The following ZNF536 variants were observed in gnomAD, a reference collection of about 807,000 sequenced individuals.
ZNF536 encodes zinc finger protein 536.
Under a neutral mutation model 84.5 loss-of-function variants are expected in ZNF536, and 13 were observed. The ratio of observed to expected loss-of-function variants is 0.15; its 90% confidence interval spans 0.10 to 0.24. The LOEUF is 0.24. Among genes scored for constraint, ZNF536 ranks in the 10% least tolerant of loss-of-function variants. The pLI, the probability that ZNF536 is intolerant of heterozygous loss-of-function variation, is 1.00. For synonymous variants in ZNF536, 811 were observed against 742.5 expected (o/e 1.09, Z -1.50); for missense variants, 1,536 against 1,747.5 (o/e 0.88, Z 2.16).
chr19:30,276,228 T>C (rs1471710380), intron 1 of ZNF536, among the ~76,000 whole-genome samples: 1 of 152,166 alleles, frequency 6.6e-6, no homozygotes, highest in Non-Finnish European at 1.5e-5. Flanking sequence ...TGCAAAACTT[T>C]GGAAATCTGG....
At chr19:30,419,913 G>A (rs1231016483) in intron 1 of ZNF536, among the ~76,000 whole-genome samples, 1 of 152,196 alleles carries the variant, frequency 6.6e-6, no homozygotes, top group African/African-American at 2.4e-5. Context: ...AGGCAGCAAA[G>A]CAGGAGGGGA....
At position 30,444,263 on chromosome 19, in the gene ZNF536, C is replaced by G. The variant is rs757892372; in HGVS notation, c.701C>G (p.Pro234Arg). The G allele has an allele frequency of 1.3e-6, 2 of 1,553,066 alleles. No homozygotes were observed. Among genetic ancestry groups the G allele is most frequent in the Non-Finnish European group, 1.7e-6 (2 of 1,156,536 alleles). Reference protein sequence around the residue: ...LKPPPHAQQAPLAACTLALQA... With the variant: ...LKPPPHAQQARLAACTLALQA... ...CCCCCGCCGCACGCCCAGCAGGCCC[C>G]GCTGGCCGCCTGCACCCTGGCCCTG... The change falls in exon 2 of 5, where the codon CCG (proline) becomes CGG (arginine). Residue 234 changes from proline (P) to arginine (R), a missense_variant. By Grantham distance (103) the Pro-to-Arg change is moderately radical. This residue lies in a region of ZNF536 where 138 missense variants were observed against 136.8 expected (regional missense o/e 1.01). Transcript: ENST00000355537.
At chr19:30,497,173 G>C (rs1666826791) in intron 2 of ZNF536, among the ~76,000 whole-genome samples, 3 of 152,146 alleles carry the variant, frequency 2.0e-5, no homozygotes. Context: ...GCCCCTGGGT[G>C]TGTGTATTTA....
At chr19:30,619,855 G>C (rs2048417898) in intron 1 of ZNF536, among the ~76,000 whole-genome samples, 2 of 152,152 alleles carry the variant, frequency 1.3e-5, no homozygotes, top group South Asian at 4.1e-4. Flanking sequence ...TTTTTTGAAT[G>C]AACGGAAGCC....
At chr19:30,305,070 T>A in intron 2 of ZNF536, among the ~76,000 whole-genome samples, 1 of 152,158 alleles carries the variant, frequency 6.6e-6, no homozygotes, top group East Asian at 1.9e-4. Flanking sequence ...GGCTGAAGCT[T>A]GGAAGGCAGG....
intron 1 of ZNF536, among the ~76,000 whole-genome samples, chr19:30,256,472 T>C (rs1231682619): frequency 6.6e-6 from 1 of 152,238 alleles, no homozygotes; most frequent in Non-Finnish European, 1.5e-5. Flanking sequence ...TAGCGACGTA[T>C]GTTTAATCAC....
intron 1 of ZNF536, among the ~76,000 whole-genome samples, chr19:30,630,757 A>T (rs905356299): frequency 1.3e-5 from 2 of 152,266 alleles, no homozygotes; most frequent in East Asian, 1.9e-4. Flanking sequence ...GGTCAGCAGA[A>T]ACACCCACCC....
chr19:30,518,567 G>T (rs2044186160), intron 2 of ZNF536, among the ~76,000 whole-genome samples: 1 of 152,226 alleles, frequency 6.6e-6, no homozygotes, highest in African/African-American at 2.4e-5. Flanking sequence ...TTATAGGATA[G>T]AAATTAGCAT....
chr19:30,442,605 A>G (rs2052105058), intron 1 of ZNF536, among the ~76,000 whole-genome samples: 1 of 152,222 alleles, frequency 6.6e-6, no homozygotes, highest in Non-Finnish European at 1.5e-5. Context: ...ATTATAAGGT[A>G]TCGGTGTTTC....
At chr19:30,447,203 C>G (rs1431190251) in intron 2 of ZNF536, among the ~76,000 whole-genome samples, 2 of 152,122 alleles carry the variant, frequency 1.3e-5, no homozygotes, top group Non-Finnish European at 2.9e-5. Flanking sequence ...TTCTTGATCC[C>G]CCCCACCCTC....
chr19:30,428,670 G>C (rs187050733), intron 1 of ZNF536, among the ~76,000 whole-genome samples: 1 of 151,928 alleles, frequency 6.6e-6, no homozygotes, highest in South Asian at 2.1e-4. Flanking sequence ...GCACCTGGAG[G>C]TGGGGGTGGG....
chr19:30,508,434 G>A (rs1484325361), intron 2 of ZNF536, among the ~76,000 whole-genome samples: 1 of 152,166 alleles, frequency 6.6e-6, no homozygotes, highest in African/African-American at 2.4e-5. Context: ...GTATGACTGG[G>A]ACCAGGTCAG....
At chr19:30,253,696 G>A (rs930819668) in intron 1 of ZNF536, among the ~76,000 whole-genome samples, 1 of 152,118 alleles carries the variant, frequency 6.6e-6, no homozygotes, top group African/African-American at 2.4e-5. Flanking sequence ...GGGAGGAGTC[G>A]CGGGGGAGGC....
chr19:30,255,767 A>G (rs2024883281), intron 1 of ZNF536, among the ~76,000 whole-genome samples: 1 of 152,218 alleles, frequency 6.6e-6, no homozygotes, highest in Admixed American at 6.5e-5. Flanking sequence ...TACAAATTTC[A>G]TCAGTGATTG....
At chr19:30,337,904 G>A (rs962187976) in intron 2 of ZNF536, among the ~76,000 whole-genome samples, 1 of 152,118 alleles carries the variant, frequency 6.6e-6, no homozygotes, top group Non-Finnish European at 1.5e-5. Flanking sequence ...TGGTGGTGAT[G>A]ATGATGATGA....
chr19:30,240,915 C>G (rs925071840), intron 1 of ZNF536, among the ~76,000 whole-genome samples: 5 of 152,164 alleles, frequency 3.3e-5, no homozygotes, highest in African/African-American at 1.2e-4. Context: ...GCTAGAGAGG[C>G]TTTGAGATTT....
chr19:30,252,575 G>A (rs2024677200), intron 1 of ZNF536, among the ~76,000 whole-genome samples: 1 of 145,490 alleles, frequency 6.9e-6, no homozygotes, highest in African/African-American at 2.5e-5. Flanking sequence ...TAGCCCGAGA[G>A]ACACCTGCCT....
intron 1 of ZNF536, among the ~76,000 whole-genome samples, chr19:30,669,693 G>A (rs995489580): frequency 6.6e-6 from 1 of 152,258 alleles, no homozygotes; most frequent in Non-Finnish European, 1.5e-5. Flanking sequence ...CAGGGGGGCT[G>A]CGTGGGGTAG....
At chr19:30,701,548 CACACACACAA>C (rs1942873070) in intron 1 of ZNF536, among the ~76,000 whole-genome samples, 2 of 151,626 alleles carry the variant, frequency 1.3e-5, no homozygotes, top group African/African-American at 4.9e-5. Context: ...GACACACAAA[CACACACACAA>C]ACACACACAC....
Sources: allele counts gnomAD v4.1 joint callset (sites outside exome capture counted in the v4.1 genomes callset), GRCh38; gene constraint gnomAD v4.1.1; regional missense constraint gnomAD v4.1.1; transcripts MANE v1.5; gene names NCBI Gene and HGNC (gene_info 2026-07-23, HGNC 2026-07-21).